Variants in MSRA observed in about 807,000 individuals in gnomAD.
MSRA encodes the protein methionine sulfoxide reductase A, also known as mitochondrial peptide methionine sulfoxide reductase.
MSRA carries 54 observed loss-of-function variants against 31.3 expected under a neutral mutation model. That is an observed-to-expected ratio of 1.73 (90% CI 1.39 to 2.17). MSRA has a LOEUF of 2.17. Among genes scored for constraint, MSRA ranks in the 30% most tolerant of loss-of-function variants. The probability of loss-of-function intolerance (pLI) is 0.00; values close to 1 mark genes in which losing one functional copy is unlikely to be tolerated. For missense variants in MSRA, 507 were observed against 300.9 expected (o/e 1.69, Z -5.07); for synonymous variants, 169 against 116.5 (o/e 1.45, Z -2.90).
At chr8:10,184,842 C>G (rs1214114979) in intron 1 of MSRA, among the ~76,000 whole-genome samples, 2 of 152,164 alleles carry the variant, frequency 1.3e-5, no homozygotes, top group East Asian at 1.9e-4. Context: ...TCTTCCCACT[C>G]CAAATCCAGC....
At chr8:10,192,902 C>G (rs1563202255) in intron 1 of MSRA, among the ~76,000 whole-genome samples, 1 of 152,200 alleles carries the variant, frequency 6.6e-6, no homozygotes, top group Non-Finnish European at 1.5e-5. Context: ...ACACCCATTT[C>G]ATAAACATGC....
intron 1 of MSRA, among the ~76,000 whole-genome samples, chr8:10,062,621 C>T (rs1324085830): frequency 6.6e-6 from 1 of 152,152 alleles, no homozygotes; most frequent in Admixed American, 6.5e-5. Flanking sequence ...TATTATGGCA[C>T]ATAATCGGTA....
intron 3 of MSRA, among the ~76,000 whole-genome samples, chr8:10,295,779 G>T (rs957678624): frequency 2.0e-5 from 3 of 152,142 alleles, no homozygotes; most frequent in African/African-American, 7.2e-5. Flanking sequence ...CTTTCCTCCA[G>T]CTCAGCCCCG....
chr8:10,086,556 A>G (rs554890738), intron 1 of MSRA, among the ~76,000 whole-genome samples: 1 of 152,350 alleles, frequency 6.6e-6, no homozygotes, highest in Admixed American at 6.5e-5. Context: ...TTCGGATGTC[A>G]GTTTCCTCAT....
At position 10,428,828 on chromosome 8, in the gene MSRA, A is replaced by C. The variant is rs2129200241; in HGVS notation, c.*516A>C. Reference sequence around the variant, plus strand: ...ATGTGAGTCCGCTTGATGAATTCTAATGCTTTGCTTAGAGCTATGAGAAAT... The same window carrying C: ...ATGTGAGTCCGCTTGATGAATTCTACTGCTTTGCTTAGAGCTATGAGAAAT... On this transcript the variant is annotated 3_prime_UTR_variant, in exon 6 of 6. Coordinates refer to ENST00000317173, the MANE Select transcript of MSRA (RefSeq NM_012331.5). The C allele has an allele frequency of 6.3e-6, 1 of 158,572 alleles. No individual in the cohort carries two copies. Among genetic ancestry groups the C allele is most frequent in the South Asian group, 1.9e-4 (1 of 5,180 alleles). 9.8% of individuals were successfully genotyped at this position (158,572 alleles called of 1,614,324 possible).
Position 10,195,345 on chromosome 8 carries a change from A to G in MSRA, c.143-12488A>G, listed in dbSNP as rs528685273. Reference sequence around the variant, plus strand: ...AATCTCTGCCTCCCGGGTTCAGACAATTCTTCTGCCTCAGCCTTCTGAGTA... The same window carrying G: ...AATCTCTGCCTCCCGGGTTCAGACAGTTCTTCTGCCTCAGCCTTCTGAGTA... On this transcript the variant is annotated intron_variant, in intron 1 of 5. Transcript: ENST00000317173. Among the ~76,000 whole-genome samples the G allele has an allele frequency of 3.5e-3, 531 of 152,300 alleles. 7 individuals are homozygous for G. Among genetic ancestry groups the G allele is most frequent in the African/African-American group, 0.012 (507 of 41,572 alleles).
At chr8:10,261,221 T>C (rs1011230079) in intron 3 of MSRA, among the ~76,000 whole-genome samples, 4 of 152,182 alleles carry the variant, frequency 2.6e-5, no homozygotes, top group Non-Finnish European at 4.4e-5. Flanking sequence ...AGTTGCTATT[T>C]ACTCAATATT....
At chr8:10,203,929 T>C (rs1808722904) in intron 1 of MSRA, among the ~76,000 whole-genome samples, 1 of 152,214 alleles carries the variant, frequency 6.6e-6, no homozygotes, top group African/African-American at 2.4e-5. Flanking sequence ...TGTGTGCATT[T>C]GTGTCTTAGT....
chr8:10,129,359 A>G (rs1801733220), intron 1 of MSRA, among the ~76,000 whole-genome samples: 1 of 152,194 alleles, frequency 6.6e-6, no homozygotes, highest in Non-Finnish European at 1.5e-5. Context: ...ACTTGACCTG[A>G]AAAATGAGAA....
intron 2 of MSRA, among the ~76,000 whole-genome samples, chr8:10,233,744 T>G (rs182237359): frequency 3.6e-3 from 544 of 152,296 alleles, no homozygotes; most frequent in Non-Finnish European, 5.3e-3. Flanking sequence ...GAAATAGAAT[T>G]GCGAGAATAG....
chr8:10,054,391 G>GGC lies in MSRA; in HGVS notation c.-126_-125insGC. 152 of 586,234 alleles carry GGC rather than the reference G, an allele frequency of 2.6e-4. No individual in the cohort carries two copies. The highest frequency in any genetic ancestry group is 5.7e-4 in the Middle Eastern group (1 of 1,756). 36.3% of individuals were successfully genotyped at this position (586,234 alleles called of 1,614,324 possible). On this transcript the variant is annotated 5_prime_UTR_variant, in exon 1 of 6. Transcript: ENST00000317173. ...TCCAGCCCCGCCAGCAGCGCCCCGC[G>GGC]CCCGCCCGCCCGCGCCCCTGCCGCC...
In MSRA at chr8:10,173,747, T is replaced by C. The variant is rs573189560; in HGVS notation, c.143-34086T>C. ...CAGCCCCTTCTTTGTCACTGTTTTC[T>C]TGTCACTCTTTTGGTTTCTCCTGCA... On this transcript the variant is annotated intron_variant, in intron 1 of 5. Transcript: ENST00000317173. Among the ~76,000 whole-genome samples, 6 of 152,348 alleles carry C rather than the reference T, an allele frequency of 3.9e-5. No homozygotes were observed. The South Asian group carries it at 1.0e-3, about 26-fold the overall frequency.
At chr8:10,260,036 T>C (rs1798390708) in intron 3 of MSRA, among the ~76,000 whole-genome samples, 1 of 152,164 alleles carries the variant, frequency 6.6e-6, no homozygotes, top group African/African-American at 2.4e-5. Flanking sequence ...GAGGGAGCAG[T>C]TCCGGGAAAG....
At chr8:10,068,484 G>C (rs762984108) in intron 1 of MSRA, among the ~76,000 whole-genome samples, 23 of 152,178 alleles carry the variant, frequency 1.5e-4, no homozygotes, top group Non-Finnish European at 2.8e-4. Flanking sequence ...GTTGATTTTT[G>C]TGAAGGTTGT....
intron 2 of MSRA, among the ~76,000 whole-genome samples, chr8:10,237,836 C>T (rs1027871552): frequency 1.3e-5 from 2 of 152,236 alleles, no homozygotes; most frequent in Non-Finnish European, 2.9e-5. Flanking sequence ...TCCTCCACCA[C>T]CACTTGGTCT....
At chr8:10,287,429 G>C (rs529344219) in intron 3 of MSRA, among the ~76,000 whole-genome samples, 2 of 152,158 alleles carry the variant, frequency 1.3e-5, no homozygotes, top group Non-Finnish European at 2.9e-5. Flanking sequence ...CTACAAAAGT[G>C]TTACACCAAT....
At chr8:10,239,231 G>A (rs944486070) in intron 2 of MSRA, among the ~76,000 whole-genome samples, 2 of 151,918 alleles carry the variant, frequency 1.3e-5, no homozygotes, top group East Asian at 1.9e-4. Flanking sequence ...GTGCAATCTC[G>A]GCTTATTGCA....
intron 1 of MSRA, among the ~76,000 whole-genome samples, chr8:10,196,085 C>T (rs1277856730): frequency 6.6e-6 from 1 of 152,198 alleles, no homozygotes; most frequent in East Asian, 1.9e-4. Flanking sequence ...GGACCACTCC[C>T]CGCTCAGCTG....
intron 1 of MSRA, among the ~76,000 whole-genome samples, chr8:10,182,823 G>A (rs1211593170): frequency 6.6e-6 from 1 of 152,168 alleles, no homozygotes; most frequent in Non-Finnish European, 1.5e-5. Flanking sequence ...TAGTCACAGT[G>A]CTTTGTAACT....
Sources: allele counts gnomAD v4.1 joint callset (sites outside exome capture counted in the v4.1 genomes callset), GRCh38; gene constraint gnomAD v4.1.1; transcripts MANE v1.5; gene names NCBI Gene and HGNC (gene_info 2026-07-23, HGNC 2026-07-21).